TTLL11: variants seen among roughly 807,000 people sequenced by gnomAD.
The protein encoded by TTLL11 is tubulin tyrosine ligase like 11, also known as tubulin polyglutamylase TTLL11.
TTLL11 carries 42 observed loss-of-function variants against 51.7 expected under a neutral mutation model. The observed-to-expected ratio is 0.81, with a 90% CI of 0.64 to 1.05. The LOEUF (loss-of-function observed/expected upper bound fraction) is 1.05. Among genes scored for constraint, TTLL11 ranks in the 50% least tolerant of loss-of-function variants. The probability of loss-of-function intolerance (pLI) is 0.00; values close to 1 mark genes in which losing one functional copy is unlikely to be tolerated. For missense variants in TTLL11, 799 were observed against 940.4 expected, an observed-to-expected ratio of 0.85 and a Z score of 1.97; for synonymous variants, 381 against 383.5, an observed-to-expected ratio of 0.99 and a Z score of 0.08.
intron 8 of TTLL11, among the ~76,000 whole-genome samples, chr9:121,836,092 C>A (rs577522032): frequency 3.3e-5 from 5 of 152,250 alleles, no homozygotes; most frequent in East Asian, 1.9e-4. Context: ...TTTATGGGCA[C>A]CTTTTGTTTA....
At chr9:122,037,855 G>A (rs16911323) in intron 2 of TTLL11, among the ~76,000 whole-genome samples, 3,751 of 152,250 alleles carry the variant, frequency 0.025, 139 homozygotes, top group African/African-American at 0.086. Context: ...CTATGGTAGT[G>A]AACTTGTAAG....
At chr9:121,848,364 CT>C (rs1837576669) in intron 8 of TTLL11, among the ~76,000 whole-genome samples, 1 of 151,790 alleles carries the variant, frequency 6.6e-6, no homozygotes, top group Non-Finnish European at 1.5e-5. Context: ...AGTCCCCCCC[CT>C]TACCATTCCT....
Position 122,084,146 on chromosome 9 carries a change from G to T in TTLL11, c.462+8541C>A, listed in dbSNP as rs1204732033. Among the ~76,000 whole-genome samples, 4 of 152,142 alleles carry T rather than the reference G, an allele frequency of 2.6e-5. No homozygotes were observed. The East Asian group carries it at 5.8e-4, about 22-fold the overall frequency. ...AATAGGAAAACTGGCCTTCATCAGAGTTCTAGGCAGATGTACTGAGGAACT... is the reference window on the plus strand; with the variant it reads ...AATAGGAAAACTGGCCTTCATCAGATTTCTAGGCAGATGTACTGAGGAACT... On this transcript the variant is annotated intron_variant, in intron 1 of 8. Coordinates refer to ENST00000321582, the MANE Select transcript of TTLL11 (RefSeq NM_001139442.2).
At chr9:121,903,291 T>G (rs987104105) in intron 6 of TTLL11, among the ~76,000 whole-genome samples, 1 of 152,190 alleles carries the variant, frequency 6.6e-6, no homozygotes, top group African/African-American at 2.4e-5. Flanking sequence ...TCCCACTCTT[T>G]CCATCCTGCC....
intron 6 of TTLL11, among the ~76,000 whole-genome samples, chr9:121,895,404 CTG>C (rs764598174): frequency 2.7e-4 from 41 of 150,884 alleles, no homozygotes; most frequent in South Asian, 6.3e-4. Flanking sequence ...GTTTGTGTGA[CTG>C]TGTGTGCATG....
At chr9:121,953,632 CAAAAAAAAAAAA>C (rs57176138) in intron 6 of TTLL11, among the ~76,000 whole-genome samples, 1 of 70,952 alleles carries the variant, frequency 1.4e-5, no homozygotes, top group Non-Finnish European at 2.8e-5. Context: ...GATGCCGCCT[CAAAAAAAAAAAA>C]AAAAAAAAAA....
chr9:122,049,411 G>A (rs1845101550), intron 1 of TTLL11, among the ~76,000 whole-genome samples: 1 of 152,128 alleles, frequency 6.6e-6, no homozygotes, highest in Non-Finnish European at 1.5e-5. Flanking sequence ...TAAGGGCAGA[G>A]GCAGGATCAA....
At chr9:122,035,780 T>G (rs1252026315) in intron 2 of TTLL11, among the ~76,000 whole-genome samples, 1 of 152,166 alleles carries the variant, frequency 6.6e-6, no homozygotes, top group Non-Finnish European at 1.5e-5. Context: ...CTTGCTAACA[T>G]GCAAGCTGAC....
At chr9:122,084,162 C>T (rs889443494) in intron 1 of TTLL11, among the ~76,000 whole-genome samples, 1 of 152,038 alleles carries the variant, frequency 6.6e-6, no homozygotes, top group Non-Finnish European at 1.5e-5. Flanking sequence ...GGCAGATGTA[C>T]TGAGGAACTT....
intron 6 of TTLL11, among the ~76,000 whole-genome samples, chr9:121,873,899 C>T (rs1015260496): frequency 2.0e-4 from 27 of 131,750 alleles, no homozygotes; most frequent in African/African-American, 7.0e-4. Flanking sequence ...AGTGTAGTGG[C>T]GTGATCTTGG....
intron 6 of TTLL11, among the ~76,000 whole-genome samples, chr9:121,877,686 C>T (rs960849990): frequency 2.0e-5 from 3 of 152,094 alleles, no homozygotes; most frequent in African/African-American, 7.2e-5. Context: ...ATACTATGTG[C>T]CAGGAACTGC....
In TTLL11 at chr9:122,092,480, G is replaced by A. The variant is rs946633024; in HGVS notation, c.462+207C>T. ...GAGTGAGTGGCTAACTTGACCTGGA[G>A]GGGTCTGGGGGGCCCTCTTGGAGGA... On this transcript the variant is annotated intron_variant, in intron 1 of 8. Coordinates refer to ENST00000321582, the MANE Select transcript of TTLL11 (RefSeq NM_001139442.2). Among the ~76,000 whole-genome samples, 8 of 152,248 alleles carry A rather than the reference G, an allele frequency of 5.3e-5. No individual in the cohort carries two copies. The South Asian group carries it at 1.4e-3, about 28-fold the overall frequency.
intron 6 of TTLL11, among the ~76,000 whole-genome samples, chr9:121,913,108 G>A (rs1840200640): frequency 6.6e-6 from 1 of 152,262 alleles, no homozygotes; most frequent in East Asian, 1.9e-4. Flanking sequence ...GAAGCAAGAA[G>A]TTTTGGGTTT....
Position 121,869,508 on chromosome 9 carries a change from A to G in TTLL11, c.1733+989T>C, listed in dbSNP as rs549782072. ...AATAATTCACTGTTGTCGCCCATTC[A>G]TATTTGTTAAAGGGATCTAGAGTTA... On this transcript the variant is annotated intron_variant, in intron 7 of 8. Coordinates refer to ENST00000321582, the MANE Select transcript of TTLL11 (RefSeq NM_001139442.2). Among the ~76,000 whole-genome samples the G allele has an allele frequency of 2.0e-5, 3 of 152,344 alleles. No homozygotes were observed. In the East Asian group the frequency reaches 5.8e-4, roughly 29 times the overall value.
intron 6 of TTLL11, among the ~76,000 whole-genome samples, chr9:121,947,052 C>G (rs556349295): frequency 6.6e-6 from 1 of 152,072 alleles, no homozygotes; most frequent in South Asian, 2.1e-4. Flanking sequence ...TTCCAGGTAG[C>G]CCAGCTCTCA....
chr9:121,923,197 G>C (rs1274522388), intron 6 of TTLL11, among the ~76,000 whole-genome samples: 3 of 152,166 alleles, frequency 2.0e-5, no homozygotes, highest in Admixed American at 2.0e-4. Flanking sequence ...ATAAATGTCT[G>C]ATTACGGGGA....
intron 8 of TTLL11, among the ~76,000 whole-genome samples, chr9:121,835,492 A>G (rs1837158014): frequency 1.3e-5 from 2 of 152,212 alleles, no homozygotes; most frequent in Non-Finnish European, 2.9e-5. Flanking sequence ...GAAGTTGCAC[A>G]TGTGCAGTCA....
At chr9:121,898,498 G>A (rs1408998371) in intron 6 of TTLL11, among the ~76,000 whole-genome samples, 1 of 152,266 alleles carries the variant, frequency 6.6e-6, no homozygotes, top group Non-Finnish European at 1.5e-5. Context: ...GGGAATGACA[G>A]GCCTGAGAGG....
At chr9:122,037,222 C>A (rs190146779) in intron 2 of TTLL11, among the ~76,000 whole-genome samples, 4 of 152,218 alleles carry the variant, frequency 2.6e-5, no homozygotes, top group African/African-American at 4.8e-5. Flanking sequence ...CTCTTCCAAA[C>A]TGTATTCTCC....
Sources: gnomAD v4.1 joint callset for allele counts (sites outside exome capture counted in the v4.1 genomes callset) on GRCh38, gnomAD v4.1.1 for gene constraint, MANE v1.5 for transcripts, NCBI Gene and HGNC (gene_info 2026-07-23, HGNC 2026-07-21) for gene names.